Variants in CSMD1 observed in about 807,000 individuals in gnomAD.
CSMD1 encodes CUB and sushi domain-containing protein 1.
CSMD1 carries 213 observed loss-of-function variants against 417.5 expected under a neutral mutation model. That is an observed-to-expected ratio of 0.51 (90% CI 0.46 to 0.57). The LOEUF (loss-of-function observed/expected upper bound fraction) is 0.57, where lower values mean the gene tolerates loss of function less well. Ranked by LOEUF, CSMD1 falls within the 20% of genes least tolerant of loss-of-function variation. The pLI, the probability that CSMD1 is intolerant of heterozygous loss-of-function variation, is 0.00. For synonymous variants in CSMD1, 2,862 were observed against 1,736.8 expected (o/e 1.65, Z -16.11); for missense variants, 6,923 against 4,529.7 (o/e 1.53, Z -15.17).
chr8:4,189,067 T>C (rs1396145642), intron 3 of CSMD1, among the ~76,000 whole-genome samples: 2 of 152,180 alleles, frequency 1.3e-5, no homozygotes, highest in African/African-American at 4.8e-5. Flanking sequence ...AGAGTGAAAG[T>C]TAATTATCTA....
At chr8:4,554,998 C>T (rs1471038011) in intron 2 of CSMD1, among the ~76,000 whole-genome samples, 1 of 152,134 alleles carries the variant, frequency 6.6e-6, no homozygotes, top group Non-Finnish European at 1.5e-5. Flanking sequence ...GAACACAGAG[C>T]CAGAAGGAGA....
intron 2 of CSMD1, among the ~76,000 whole-genome samples, chr8:4,532,539 C>T (rs1025988805): frequency 6.8e-5 from 10 of 146,396 alleles, no homozygotes; most frequent in African/African-American, 1.8e-4. Flanking sequence ...AATCCTGCAC[C>T]GCCATTCAGA....
chr8:3,126,604 A>G (rs1353412346), intron 41 of CSMD1, among the ~76,000 whole-genome samples: 2 of 152,090 alleles, frequency 1.3e-5, no homozygotes, highest in Admixed American at 1.3e-4. Context: ...AAGCTCACCA[A>G]TTTCCCATAT....
chr8:3,342,190 T>C (rs1563290585), intron 23 of CSMD1, among the ~76,000 whole-genome samples: 1 of 152,236 alleles, frequency 6.6e-6, no homozygotes, highest in Non-Finnish European at 1.5e-5. Flanking sequence ...TATTCTATTT[T>C]TTGGCCAAAG....
chr8:4,199,353 A>C (rs932930510), intron 3 of CSMD1, among the ~76,000 whole-genome samples: 1 of 152,216 alleles, frequency 6.6e-6, no homozygotes, highest in Non-Finnish European at 1.5e-5. Flanking sequence ...CCTCTAAAGC[A>C]CATAGATGCT....
intron 7 of CSMD1, among the ~76,000 whole-genome samples, chr8:3,641,029 T>C (rs1270844870): frequency 7.1e-6 from 1 of 140,446 alleles, no homozygotes; most frequent in Non-Finnish European, 1.5e-5. Context: ...TTTTCCTTTT[T>C]TTTTTTTTTT....
At chr8:4,049,764 A>G (rs1237477212) in intron 3 of CSMD1, among the ~76,000 whole-genome samples, 4 of 152,200 alleles carry the variant, frequency 2.6e-5, no homozygotes, top group Non-Finnish European at 5.9e-5. Flanking sequence ...ATCTCCATAA[A>G]TGGCCACAGC....
chr8:4,141,098 G>A (rs760072704), intron 3 of CSMD1, among the ~76,000 whole-genome samples: 2 of 151,100 alleles, frequency 1.3e-5, no homozygotes, highest in Non-Finnish European at 2.9e-5. Flanking sequence ...CCCATTTTCA[G>A]ATCTCATAGG....
intron 3 of CSMD1, among the ~76,000 whole-genome samples, chr8:4,294,388 G>A (rs1979916): frequency 0.077 from 11,681 of 152,160 alleles, 549 homozygotes; most frequent in Middle Eastern, 0.11. Context: ...AGATGTCACC[G>A]TTCTTTCTGA....
chr8:3,683,637 T>C (rs1177000062), intron 7 of CSMD1, among the ~76,000 whole-genome samples: 1 of 152,196 alleles, frequency 6.6e-6, no homozygotes, highest in Non-Finnish European at 1.5e-5. Context: ...ATGTGCATAC[T>C]CTTTTAATTT....
At chr8:4,140,946 A>G (rs1296904403) in intron 3 of CSMD1, among the ~76,000 whole-genome samples, 2 of 151,208 alleles carry the variant, frequency 1.3e-5, no homozygotes, top group Non-Finnish European at 2.9e-5. Flanking sequence ...CCAACAACAA[A>G]AAGTCCTCGT....
intron 3 of CSMD1, among the ~76,000 whole-genome samples, chr8:4,040,368 C>G (rs1797824664): frequency 6.6e-6 from 1 of 152,096 alleles, no homozygotes; most frequent in Non-Finnish European, 1.5e-5. Flanking sequence ...TTTAAACAAA[C>G]AAACACACAA....
At chr8:3,318,754 A>T (rs1805952069) in intron 23 of CSMD1, among the ~76,000 whole-genome samples, 1 of 152,134 alleles carries the variant, frequency 6.6e-6, no homozygotes, top group Non-Finnish European at 1.5e-5. Flanking sequence ...TTCCTTCTGC[A>T]GGGTTTCTGT....
At chr8:4,905,515 A>C (rs904773384) in intron 1 of CSMD1, among the ~76,000 whole-genome samples, 1 of 152,082 alleles carries the variant, frequency 6.6e-6, no homozygotes, top group Non-Finnish European at 1.5e-5. Context: ...TATCATCACT[A>C]ACTCTCTAAA....
chr8:3,283,328 GC>G (rs968604393), intron 26 of CSMD1, among the ~76,000 whole-genome samples: 1 of 152,110 alleles, frequency 6.6e-6, no homozygotes, highest in Non-Finnish European at 1.5e-5. Flanking sequence ...TGGAATCGGG[GC>G]TGGGTTAGGG....
chr8:3,829,975 T>G (rs947760646), intron 5 of CSMD1, among the ~76,000 whole-genome samples: 2 of 152,058 alleles, frequency 1.3e-5, no homozygotes, highest in Admixed American at 1.3e-4. Context: ...TGCTCATATG[T>G]TTTTTGTTTA....
chr8:3,781,779 T>G (rs1236125022), intron 5 of CSMD1, among the ~76,000 whole-genome samples: 1 of 152,212 alleles, frequency 6.6e-6, no homozygotes, highest in Non-Finnish European at 1.5e-5. Context: ...TTAGAAATGC[T>G]GAATAAATGT....
chr8:3,107,935 G>T, intron 44 of CSMD1, 137 bp from the exon 45 acceptor site: 1 of 561,014 alleles, frequency 1.8e-6, no homozygotes, highest in Non-Finnish European at 3.1e-6. Context: ...CTGAATCATA[G>T]CTTTATAAAA....
intron 7 of CSMD1, among the ~76,000 whole-genome samples, chr8:3,692,513 C>T (rs948414217): frequency 1.3e-4 from 19 of 151,880 alleles, no homozygotes; most frequent in African/African-American, 4.1e-4. Context: ...GCGATATCGG[C>T]TCACTACAAC....
Sources: allele counts gnomAD v4.1 joint callset (sites outside exome capture counted in the v4.1 genomes callset), GRCh38; gene constraint gnomAD v4.1.1; transcripts MANE v1.5; gene names NCBI Gene and HGNC (gene_info 2026-07-23, HGNC 2026-07-21).